PDGFD: variants seen among roughly 807,000 people sequenced by gnomAD.
PDGFD encodes the protein platelet derived growth factor D.
Under a neutral mutation model 44.7 loss-of-function variants are expected in PDGFD, and 30 were observed. The ratio of observed to expected loss-of-function variants is 0.67; its 90% confidence interval spans 0.50 to 0.91. The LOEUF (loss-of-function observed/expected upper bound fraction) is 0.91, where lower values mean the gene tolerates loss of function less well. Among genes scored for constraint, PDGFD ranks in the 40% least tolerant of loss-of-function variants. The pLI, the probability that PDGFD is intolerant of heterozygous loss-of-function variation, is 0.00. For missense variants in PDGFD, 445 were observed against 457.8 expected (o/e 0.97, Z 0.25); for synonymous variants, 173 against 168.4 (o/e 1.03, Z -0.21).
chr11:103,922,478 C>T (rs564884496), intron 6 of PDGFD, among the ~76,000 whole-genome samples: 39 of 152,214 alleles, frequency 2.6e-4, no homozygotes, highest in African/African-American at 9.4e-4. Context: ...ATTTTCTGAC[C>T]TTCCCATGTA....
At chr11:104,078,430 G>C in intron 1 of PDGFD, among the ~76,000 whole-genome samples, 1 of 152,198 alleles carries the variant, frequency 6.6e-6, no homozygotes, top group Middle Eastern at 3.4e-3. Flanking sequence ...TGCAGGCTAC[G>C]TCTTATCTGA....
chr11:103,963,085 T>C (rs985692362), intron 3 of PDGFD, among the ~76,000 whole-genome samples: 1 of 152,276 alleles, frequency 6.6e-6, no homozygotes, highest in Middle Eastern at 3.4e-3. Context: ...ATCAGGGGGC[T>C]GTTTTGAAGA....
At chr11:104,161,609 C>T (rs1028221564) in intron 1 of PDGFD, among the ~76,000 whole-genome samples, 1 of 152,186 alleles carries the variant, frequency 6.6e-6, no homozygotes, top group East Asian at 1.9e-4. Flanking sequence ...CACTCTCCCT[C>T]CTTGTGAATG....
intron 1 of PDGFD, among the ~76,000 whole-genome samples, chr11:104,063,423 T>C (rs1228752021): frequency 6.6e-6 from 1 of 151,948 alleles, no homozygotes; most frequent in Non-Finnish European, 1.5e-5. Context: ...CCTGGGAACA[T>C]CATTAAATCA....
intron 1 of PDGFD, among the ~76,000 whole-genome samples, chr11:104,107,496 C>T (rs1391579768): frequency 6.6e-6 from 1 of 152,164 alleles, no homozygotes; most frequent in Non-Finnish European, 1.5e-5. Context: ...GCCTGGATTT[C>T]TGAGTCACCA....
intron 3 of PDGFD, among the ~76,000 whole-genome samples, chr11:103,969,474 G>GTTTTTTT (rs66571550): frequency 6.7e-5 from 6 of 89,794 alleles, no homozygotes; most frequent in African/African-American, 8.8e-5. Context: ...ACCAAGCCTG[G>GTTTTTTT]TTTTTTTTTT....
chr11:104,007,329 T>C (rs1859718093), intron 1 of PDGFD, among the ~76,000 whole-genome samples: 1 of 152,166 alleles, frequency 6.6e-6, no homozygotes, highest in African/African-American at 2.4e-5. Flanking sequence ...GCTTTCCCCA[T>C]TCATGAAGAA....
intron 6 of PDGFD, 35 bp downstream of exon 6, chr11:103,926,877 T>C: frequency 6.3e-7 from 1 of 1,579,574 alleles, no homozygotes; most frequent in Non-Finnish European, 8.6e-7. Context: ...TCCTATAGAT[T>C]AAGCATTGCA....
chr11:104,084,375 C>T (rs934057505), intron 1 of PDGFD, among the ~76,000 whole-genome samples: 3 of 152,102 alleles, frequency 2.0e-5, no homozygotes, highest in Admixed American at 6.6e-5. Flanking sequence ...GGGACAGAAT[C>T]AGCCTTAAAG....
At chr11:104,097,938 G>A (rs1200834531) in intron 1 of PDGFD, among the ~76,000 whole-genome samples, 1 of 152,126 alleles carries the variant, frequency 6.6e-6, no homozygotes, top group Non-Finnish European at 1.5e-5. Context: ...ACTTAAAATG[G>A]TTGTTCTATT....
At chr11:103,915,062 C>T (rs1311195324) in intron 6 of PDGFD, among the ~76,000 whole-genome samples, 3 of 152,184 alleles carry the variant, frequency 2.0e-5, no homozygotes, top group African/African-American at 7.2e-5. Context: ...TCTCTCACCA[C>T]TCCTATTCAA....
At chr11:104,150,493 T>C (rs1005450582) in intron 1 of PDGFD, among the ~76,000 whole-genome samples, 3 of 152,178 alleles carry the variant, frequency 2.0e-5, no homozygotes, top group African/African-American at 7.2e-5. Context: ...TAGTTTCCTG[T>C]AGCGGCTGTA....
At chr11:104,162,948 T>C (rs974152389) in intron 1 of PDGFD, among the ~76,000 whole-genome samples, 3 of 152,142 alleles carry the variant, frequency 2.0e-5, no homozygotes, top group African/African-American at 4.8e-5. Flanking sequence ...GAACATCAGC[T>C]ACAGTTTTAG....
intron 1 of PDGFD, among the ~76,000 whole-genome samples, chr11:104,004,270 C>T (rs2134369667): frequency 6.6e-6 from 1 of 152,246 alleles, no homozygotes; most frequent in Admixed American, 6.5e-5. Context: ...ATGGGTTCCA[C>T]ATTCATGGAT....
chr11:103,936,640 T>C (rs950726622), intron 5 of PDGFD, among the ~76,000 whole-genome samples: 6 of 152,110 alleles, frequency 3.9e-5, no homozygotes, highest in Non-Finnish European at 7.4e-5. Context: ...GAAAATGTCA[T>C]GGAGAAAATA....
Position 104,000,099 on chromosome 11 carries a change from A to G in PDGFD, c.281T>C (p.Val94Ala), listed in dbSNP as rs748312831. 2 of 1,614,130 alleles carry G rather than the reference A, an allele frequency of 1.2e-6. No homozygotes were observed. The highest frequency in any genetic ancestry group is 4.5e-5 in the East Asian group (2 of 44,866). ...HSQENTRIQL[V>A]FDNQFGLEEA... ...CTCTAATCCAAACTGATTGTCAAAC[A>G]CTAGCTGTATCCGTGTATTCTCCTG... is the stretch of plus-strand genomic sequence containing the variant. The change falls in exon 2 of 7, where the codon GTG becomes GCG. Residue 94 changes from valine to alanine, a missense_variant. Val to Ala is a moderately conservative substitution (Grantham distance 64). Transcript: ENST00000393158.
At position 103,956,549 on chromosome 11, in the gene PDGFD, C is replaced by T. The variant is rs183061583; in HGVS notation, c.511-8825G>A. Among the ~76,000 whole-genome samples, 240 of 149,764 alleles carry T rather than the reference C, an allele frequency of 1.6e-3. 2 individuals carry two copies. The highest frequency in any genetic ancestry group is 7.3e-3 in the East Asian group (37 of 5,086). ...GTGTGCATGTGTCTTTATAGCAGCA[C>T]GATTTATAGTCCTTTGGGTATATAT... On this transcript the variant is annotated intron_variant, in intron 3 of 6. Coordinates refer to ENST00000393158, the MANE Select transcript of PDGFD (RefSeq NM_025208.5).
intron 1 of PDGFD, among the ~76,000 whole-genome samples, chr11:104,100,494 T>A (rs1861360624): frequency 6.6e-6 from 1 of 151,966 alleles, no homozygotes; most frequent in Admixed American, 6.6e-5. Context: ...CCAAAAAAAG[T>A]CCAGGACCAG....
chr11:103,939,273 C>T (rs1858544615), intron 5 of PDGFD, among the ~76,000 whole-genome samples: 1 of 152,104 alleles, frequency 6.6e-6, no homozygotes. Context: ...TCCTTCATGT[C>T]CCTTGTAAGT....
Sources: allele counts gnomAD v4.1 joint callset (sites outside exome capture counted in the v4.1 genomes callset), GRCh38; gene constraint gnomAD v4.1.1; transcripts MANE v1.5; gene names NCBI Gene and HGNC (gene_info 2026-07-23, HGNC 2026-07-21).